AK7: variants seen among roughly 807,000 people sequenced by gnomAD.
AK7 encodes adenylate kinase 7.
In AK7, 78 loss-of-function variants were observed where a neutral mutation model predicts 96.6. That is an observed-to-expected ratio of 0.81 (90% CI 0.67 to 0.97). The LOEUF is 0.97. Among genes scored for constraint, AK7 ranks in the 50% least tolerant of loss-of-function variants. AK7 has a pLI of 0.00. For synonymous variants in AK7, 302 were observed against 317.2 expected (o/e 0.95, Z 0.51); for missense variants, 855 against 887.9 (o/e 0.96, Z 0.47).
chr14:96,425,833 G>T lies in AK7; in HGVS notation c.609+4901G>T, dbSNP rs556347964. 2.0e-5 allele frequency among the ~76,000 whole-genome samples: 3 copies of T among 152,128 alleles called. No individual in the cohort carries two copies. In the East Asian group the frequency reaches 5.8e-4, roughly 29 times the overall value. ...GTCTGATATAAGTATAGTGACTCCT[G>T]CTTCTTTTTGGTTTCCATTGGCATG... On this transcript the variant is annotated intron_variant, in intron 5 of 17. Coordinates refer to ENST00000267584, the MANE Select transcript of AK7 (RefSeq NM_152327.5).
At chr14:96,427,241 G>A (rs989847083) in intron 5 of AK7, among the ~76,000 whole-genome samples, 5 of 152,080 alleles carry the variant, frequency 3.3e-5, no homozygotes, top group Admixed American at 6.6e-5. Context: ...GCGAAACTCC[G>A]TCTCAAAAAC....
chr14:96,454,488 T>A (rs985509185), intron 10 of AK7, among the ~76,000 whole-genome samples: 1 of 151,860 alleles, frequency 6.6e-6, no homozygotes, highest in African/African-American at 2.4e-5. Flanking sequence ...ATAACTTTTT[T>A]AAAAATTGAG....
chr14:96,404,842 A>C lies in AK7; in HGVS notation c.380A>C (p.Glu127Ala), dbSNP rs746022622. Residue 127 changes from glutamate (E) to alanine (A), a missense_variant, in exon 3 of 18, where the codon GAG becomes GCG. By Grantham distance (107) the Glu-to-Ala change is moderately radical. Transcript: ENST00000267584. ...ATCACTGAGAGCTCACAGCAAATGG[A>C]GGAAGCCATCTGGGCAGTCTCTGGT... ...YNITESSQQM[E>A]EAIWAVSALS... The C allele has an allele frequency of 2.3e-5, 37 of 1,610,316 alleles. No individual in the cohort carries two copies. Among genetic ancestry groups the C allele is most frequent in the Non-Finnish European group, 3.1e-5 (36 of 1,177,352 alleles).
intron 12 of AK7, among the ~76,000 whole-genome samples, 197 bp from the exon 13 acceptor site, chr14:96,471,281 T>G (rs1019092711): frequency 2.8e-5 from 4 of 145,446 alleles, no homozygotes; most frequent in African/African-American, 1.0e-4. Context: ...CAGTGAGCTA[T>G]GACCACACCA....
chr14:96,483,517 G>A (rs1895620329), intron 16 of AK7, among the ~76,000 whole-genome samples: 1 of 151,918 alleles, frequency 6.6e-6, no homozygotes, highest in African/African-American at 2.4e-5. Context: ...TGCCTCCCGG[G>A]TTCAAGTGAT....
In AK7 at chr14:96,404,791, TG is replaced by T. The variant is rs747279341; in HGVS notation, c.331del (p.Glu111SerfsTer45). 3 of 1,610,294 alleles carry T rather than the reference TG, an allele frequency of 1.9e-6. No homozygotes were observed. In the Admixed American group the frequency reaches 5.0e-5, roughly 27 times the overall value. ...ISREDLLMRL[L>X]ECDVIIYNIT... is the part of the protein sequence containing the mutation. ...CGAGAAGACCTTCTCATGCGCCTGC[TG>T]GAGTGTGATGTTATTATTTATAACA... On this transcript the variant is annotated frameshift_variant, in exon 3 of 18. Coordinates refer to ENST00000267584, the MANE Select transcript of AK7 (RefSeq NM_152327.5). LOFTEE classifies it high-confidence loss of function.
At chr14:96,420,155 T>A (rs548967636) in intron 4 of AK7, among the ~76,000 whole-genome samples, 1 of 150,890 alleles carries the variant, frequency 6.6e-6, no homozygotes, top group African/African-American at 2.4e-5. Context: ...CATGAGCCAC[T>A]GCGCCTGGCC....
chr14:96,429,077 T>C (rs1194866371), intron 5 of AK7, among the ~76,000 whole-genome samples: 3 of 152,248 alleles, frequency 2.0e-5, no homozygotes, highest in Admixed American at 2.0e-4. Context: ...GGTTTTCTTC[T>C]GGGGTTTTTA....
At chr14:96,418,555 G>T (rs1595388991) in intron 4 of AK7, among the ~76,000 whole-genome samples, 2 of 151,736 alleles carry the variant, frequency 1.3e-5, no homozygotes, top group East Asian at 3.9e-4. Flanking sequence ...TTTTTGCTCT[G>T]TCGCCCAAGC....
At position 96,457,988 on chromosome 14, in the gene AK7, A is replaced by G. The variant is rs536810930; in HGVS notation, c.1228-95A>G. ...GTCATAGGGTACCTGTCCTATTTGG[A>G]TCCCAAGCTTTTTCCAGGATCACCT... On this transcript the variant is annotated intron_variant, in intron 11 of 17. Coordinates refer to ENST00000267584, the MANE Select transcript of AK7 (RefSeq NM_152327.5). 73 of 1,549,114 alleles carry G rather than the reference A, an allele frequency of 4.7e-5. No homozygotes were observed. The African/African-American group carries it at 8.8e-4, about 19-fold the overall frequency.
chr14:96,482,873 A>G, intron 15 of AK7, 126 bp from the exon 16 acceptor site: 1 of 984,204 alleles, frequency 1.0e-6, no homozygotes, highest in South Asian at 1.7e-5. Flanking sequence ...TGGCAATTAG[A>G]AAAGAAAACC....
intron 15 of AK7, among the ~76,000 whole-genome samples, chr14:96,480,436 A>G (rs1895447036): frequency 6.6e-6 from 1 of 152,140 alleles, no homozygotes; most frequent in Non-Finnish European, 1.5e-5. Flanking sequence ...TCTCAAAAAA[A>G]AAAAAAGAAA....
intron 5 of AK7, chr14:96,423,623 G>A: frequency 1.8e-6 from 1 of 558,900 alleles, no homozygotes; most frequent in South Asian, 1.6e-5. Flanking sequence ...AGAAAGCTAT[G>A]GTACATGCAG....
Position 96,437,872 on chromosome 14 carries a change from T to C in AK7, c.647T>C (p.Leu216Pro). 6.2e-7 allele frequency: 1 copy of C among 1,613,754 alleles called. No individual in the cohort carries two copies. The highest frequency in any genetic ancestry group is 8.5e-7 in the Non-Finnish European group (1 of 1,179,850). ...GCAGCATACGTAGTTGCTGCTGGAC[T>C]CCAGTATGGAGCGGAAGGAGGCATG... ...KFAAYVVAAG[L>P]QYGAEGGMLH... The change falls in exon 6 of 18, where the codon CTC (leucine) becomes CCC (proline). Residue 216 changes from leucine to proline, a missense_variant. Physicochemically the swap from Leu to Pro is moderately conservative, Grantham distance 98 (BLOSUM62 -3). Coordinates refer to ENST00000267584, the MANE Select transcript of AK7 (RefSeq NM_152327.5).
intron 4 of AK7, among the ~76,000 whole-genome samples, chr14:96,420,217 T>C (rs1891598972): frequency 6.6e-6 from 1 of 151,340 alleles, no homozygotes; most frequent in Non-Finnish European, 1.5e-5. Flanking sequence ...AGTGGTATGG[T>C]TGGATGTGGT....
At chr14:96,430,134 T>C (rs899561958) in intron 5 of AK7, among the ~76,000 whole-genome samples, 4 of 152,114 alleles carry the variant, frequency 2.6e-5, no homozygotes, top group Admixed American at 2.6e-4. Flanking sequence ...TGAGATACGT[T>C]CCATCAATAC....
In AK7 at chr14:96,478,651, C is replaced by T. The variant is rs201624359; in HGVS notation, c.1742C>T (p.Pro581Leu). Residue 581 changes from proline to leucine, a missense_variant, in exon 15 of 18, where the codon CCG becomes CTG. Coordinates refer to ENST00000267584, the MANE Select transcript of AK7 (RefSeq NM_152327.5). ...FNYFDELEIH[P>L]IHIDVGKLED... ...TATTTTGATGAACTTGAAATTCACC[C>T]GATACATATTGGTATGAAATGAATT... 1.4e-5 allele frequency: 22 copies of T among 1,613,688 alleles called. No homozygotes were observed. The highest frequency in any genetic ancestry group is 3.3e-5 in the Admixed American group (2 of 60,000).
At chr14:96,392,726 C>T (rs150961921) in intron 1 of AK7, among the ~76,000 whole-genome samples, 42 of 152,138 alleles carry the variant, frequency 2.8e-4, no homozygotes, top group African/African-American at 9.2e-4. Flanking sequence ...TGCAGTGGCG[C>T]GATCTCGGCT....
chr14:96,451,481 A>T lies in AK7; in HGVS notation c.1009A>T (p.Asn337Tyr), dbSNP rs753912709. 1 of 1,600,098 alleles carries T rather than the reference A, an allele frequency of 6.2e-7. No homozygotes were observed. The highest frequency in any genetic ancestry group is 1.1e-5 in the South Asian group (1 of 88,746). The change falls in exon 10 of 18, where the codon AAT becomes TAT. Residue 337 changes from asparagine (N) to tyrosine (Y), a missense_variant. Transcript: ENST00000267584. ...AATGGAAGCGCTCTTTGTGAAGGAG[A>T]ATTTTAATATTCGATGGGCTGCCCA... Reference protein sequence around the residue: ...LRMEALFVKENFNIRWAAQTG... With the variant: ...LRMEALFVKEYFNIRWAAQTG...
Sources: gnomAD v4.1 joint callset for allele counts (sites outside exome capture counted in the v4.1 genomes callset) on GRCh38, gnomAD v4.1.1 for gene constraint, MANE v1.5 for transcripts, NCBI Gene and HGNC (gene_info 2026-07-23, HGNC 2026-07-21) for gene names.